Variants in PDLIM5 observed in about 807,000 individuals in gnomAD.
The protein encoded by PDLIM5 is PDZ and LIM domain protein 5.
Under a neutral mutation model 64.2 loss-of-function variants are expected in PDLIM5, and 34 were observed. The ratio of observed to expected loss-of-function variants is 0.53; its 90% CI spans 0.40 to 0.71. The LOEUF is 0.71. Ranked by LOEUF, PDLIM5 falls within the 30% of genes least tolerant of loss-of-function variation. The pLI is 0.00. For missense variants in PDLIM5, 683 were observed against 733.6 expected (o/e 0.93, Z 0.80); for synonymous variants, 253 against 269.1 (o/e 0.94, Z 0.59).
intron 3 of PDLIM5, among the ~76,000 whole-genome samples, chr4:94,542,064 C>A (rs921217457): frequency 6.6e-6 from 1 of 152,116 alleles, no homozygotes; most frequent in African/African-American, 2.4e-5. Context: ...GTAATCCCAG[C>A]ACTTTGGAAG....
chr4:94,599,030 C>G (rs565096800), intron 7 of PDLIM5, among the ~76,000 whole-genome samples: 1 of 152,090 alleles, frequency 6.6e-6, no homozygotes, highest in African/African-American at 2.4e-5. Context: ...GTGAAGTACT[C>G]AGGGGCCAGA....
intron 8 of PDLIM5, among the ~76,000 whole-genome samples, chr4:94,635,744 A>G (rs1454543653): frequency 6.6e-6 from 1 of 152,228 alleles, no homozygotes; most frequent in Non-Finnish European, 1.5e-5. Context: ...AAGTGAGCAG[A>G]GACTAGGAGG....
intron 9 of PDLIM5, among the ~76,000 whole-genome samples, chr4:94,646,510 G>A (rs1011537713): frequency 8.5e-5 from 13 of 152,116 alleles, no homozygotes; most frequent in African/African-American, 3.1e-4. Flanking sequence ...GGCAGTCCTG[G>A]CAAACTAATT....
At chr4:94,507,672 G>T (rs1184449977) in intron 2 of PDLIM5, among the ~76,000 whole-genome samples, 4 of 152,150 alleles carry the variant, frequency 2.6e-5, no homozygotes, top group Non-Finnish European at 5.9e-5. Context: ...CACAAGGAAA[G>T]CCCTAAATGG....
rs555460883 is a variant in PDLIM5, at chr4:94,451,942, A to C, written c.-96A>C. ...GGGGACGGCGCCCTCACCGCGAGTCACTTGTCAGCCCTTGTCTGAGGCGGA... is the reference window on the plus strand; with the variant it reads ...GGGGACGGCGCCCTCACCGCGAGTCCCTTGTCAGCCCTTGTCTGAGGCGGA... On this transcript the variant is annotated 5_prime_UTR_variant, in exon 1 of 13. Transcript: ENST00000317968. The C allele has an allele frequency of 2.0e-5, 3 of 152,338 alleles. No homozygotes were observed. The South Asian group carries it at 6.2e-4, about 32-fold the overall frequency. The allele number at this position is 152,338 out of a possible 1,614,324, so 9.4% of individuals were successfully genotyped here.
chr4:94,568,268 G>T (rs1224800878), intron 3 of PDLIM5, among the ~76,000 whole-genome samples: 1 of 152,186 alleles, frequency 6.6e-6, no homozygotes, highest in Non-Finnish European at 1.5e-5. Flanking sequence ...GGTTTTGTCT[G>T]TGTCTTTCTA....
chr4:94,530,657 A>G (rs1730791416), intron 3 of PDLIM5, among the ~76,000 whole-genome samples: 1 of 151,766 alleles, frequency 6.6e-6, no homozygotes, highest in Non-Finnish European at 1.5e-5. Flanking sequence ...ACTTGTTATG[A>G]TTAGAAGTGA....
At chr4:94,549,039 G>C (rs983802192) in intron 3 of PDLIM5, among the ~76,000 whole-genome samples, 4 of 152,010 alleles carry the variant, frequency 2.6e-5, no homozygotes, top group Admixed American at 2.6e-4. Flanking sequence ...GTTAATTCAT[G>C]TTTTGCTTTA....
At chr4:94,584,583 A>G (rs149852025) in intron 5 of PDLIM5, 211 of 173,450 alleles carry the variant, frequency 1.2e-3, no homozygotes, top group Middle Eastern at 5.4e-3. Flanking sequence ...CACTATGCTG[A>G]TCCCACACAC....
intron 5 of PDLIM5, chr4:94,584,814 A>T: frequency 1.8e-6 from 1 of 544,290 alleles, no homozygotes; most frequent in Non-Finnish European, 3.3e-6. Flanking sequence ...TATTGTCCGC[A>T]TCTGTGTTTC....
At chr4:94,508,399 CAA>C (rs1728579178) in intron 2 of PDLIM5, among the ~76,000 whole-genome samples, 1 of 152,130 alleles carries the variant, frequency 6.6e-6, no homozygotes, top group African/African-American at 2.4e-5. Context: ...CTAACCTAAA[CAA>C]AGAGCTGGAA....
chr4:94,666,156 G>A lies in PDLIM5; in HGVS notation c.*2089G>A. 1.4e-6 allele frequency: 1 copy of A among 696,402 alleles called. No individual in the cohort carries two copies. The highest frequency in any genetic ancestry group is 2.1e-5 in the South Asian group (1 of 47,734). 43.1% of individuals were successfully genotyped at this position (696,402 alleles called of 1,614,324 possible). A position where few individuals can be genotyped will look rare whatever the true frequency, so the allele number is the denominator to read the frequency against. ...ACTTACGACATCACTTCCATTGTGT[G>A]CATGTTTGTTATAGAGGAGGTTTTA... On this transcript the variant is annotated 3_prime_UTR_variant, in exon 13 of 13. Transcript: ENST00000317968.
At chr4:94,477,802 C>A (rs1725457995) in intron 2 of PDLIM5, among the ~76,000 whole-genome samples, 1 of 152,120 alleles carries the variant, frequency 6.6e-6, no homozygotes, top group African/African-American at 2.4e-5. Context: ...TCTGCTACCC[C>A]TGAGACAGTG....
chr4:94,615,857 C>A (rs1452558947), intron 7 of PDLIM5, among the ~76,000 whole-genome samples: 1 of 152,118 alleles, frequency 6.6e-6, no homozygotes, highest in Non-Finnish European at 1.5e-5. Flanking sequence ...ATTAGGCAAA[C>A]AATGTAGTTA....
At chr4:94,502,416 A>G (rs1728006277) in intron 2 of PDLIM5, among the ~76,000 whole-genome samples, 1 of 152,184 alleles carries the variant, frequency 6.6e-6, no homozygotes, top group South Asian at 2.1e-4. Context: ...GGCAGCCCAC[A>G]TGGTGGTCAT....
intron 2 of PDLIM5, among the ~76,000 whole-genome samples, chr4:94,465,996 C>A (rs1224828778): frequency 1.3e-5 from 2 of 151,674 alleles, no homozygotes; most frequent in Non-Finnish European, 2.9e-5. Flanking sequence ...GGGTCTTGCT[C>A]TGTGGCATGG....
chr4:94,455,640 A>G, intron 2 of PDLIM5: 1 of 707,476 alleles, frequency 1.4e-6, no homozygotes, highest in Non-Finnish European at 2.3e-6. Flanking sequence ...CTAGGAACAG[A>G]CTGTACATTT....
intron 7 of PDLIM5, among the ~76,000 whole-genome samples, chr4:94,617,565 C>T (rs1194010200): frequency 6.9e-6 from 1 of 144,536 alleles, no homozygotes; most frequent in Admixed American, 7.3e-5. Flanking sequence ...CCAGTGCTTT[C>T]GGAAACTGAA....
chr4:94,551,403 A>G (rs746278434), intron 3 of PDLIM5, among the ~76,000 whole-genome samples: 2 of 152,154 alleles, frequency 1.3e-5, no homozygotes, highest in Non-Finnish European at 2.9e-5. Context: ...TAATAAATTT[A>G]TAAGTTTGCA....
Sources: allele counts gnomAD v4.1 joint callset (sites outside exome capture counted in the v4.1 genomes callset), GRCh38; gene constraint gnomAD v4.1.1; transcripts MANE v1.5; gene names NCBI Gene and HGNC (gene_info 2026-07-23, HGNC 2026-07-21).